Variants in BRINP3 observed in about 807,000 individuals in gnomAD.
BRINP3 encodes the protein BMP/retinoic acid inducible neural specific 3.
A neutral mutation model predicts 71.0 loss-of-function variants in BRINP3; 19 were observed. The ratio of observed to expected loss-of-function variants is 0.27; its 90% CI spans 0.19 to 0.39. BRINP3 has a LOEUF of 0.39. BRINP3 is among the 10% of genes least tolerant of loss of function. BRINP3 has a pLI of 1.00. For synonymous variants in BRINP3, 380 were observed against 337.7 expected, an observed-to-expected ratio of 1.13 and a Z score of -1.37; for missense variants, 959 against 940.8, an observed-to-expected ratio of 1.02 and a Z score of -0.25.
At chr1:190,207,498 A>G (rs762261402) in intron 6 of BRINP3, among the ~76,000 whole-genome samples, 9 of 152,096 alleles carry the variant, frequency 5.9e-5, no homozygotes, top group Non-Finnish European at 1.3e-4. Context: ...TTTTTTCTTT[A>G]AAGCTGGCTG....
intron 2 of BRINP3, among the ~76,000 whole-genome samples, chr1:190,429,238 G>A (rs1232286485): frequency 1.3e-5 from 2 of 152,112 alleles, no homozygotes; most frequent in Non-Finnish European, 2.9e-5. Context: ...GTCAGTGCCT[G>A]TGGACAAAGG....
At chr1:190,189,515 T>C (rs1476621696) in intron 6 of BRINP3, among the ~76,000 whole-genome samples, 1 of 152,124 alleles carries the variant, frequency 6.6e-6, no homozygotes, top group Non-Finnish European at 1.5e-5. Flanking sequence ...TTTACAATTT[T>C]TTCTGCCTGT....
intron 2 of BRINP3, among the ~76,000 whole-genome samples, chr1:190,327,365 G>GAAAGAA (rs1666674967): frequency 1.3e-5 from 1 of 76,540 alleles, no homozygotes; most frequent in Non-Finnish European, 2.8e-5. Context: ...AAAAAAAAAA[G>GAAAGAA]AAAGAAAGAA....
At chr1:190,252,361 C>T (rs1660225711) in intron 4 of BRINP3, among the ~76,000 whole-genome samples, 1 of 151,996 alleles carries the variant, frequency 6.6e-6, no homozygotes, top group African/African-American at 2.4e-5. Flanking sequence ...TAGATAGCAA[C>T]TGTGTGTTGT....
chr1:190,287,873 G>A lies in BRINP3; in HGVS notation c.237-6123C>T, dbSNP rs540604306. On this transcript the variant is annotated intron_variant, in intron 2 of 7. Coordinates refer to ENST00000367462, the MANE Select transcript of BRINP3 (RefSeq NM_199051.3). ...TATATTTTAGGGCTTTGAAATTACT[G>A]AAAATAATTTAATTTTATGTTACAT... Among the ~76,000 whole-genome samples the A allele has an allele frequency of 3.2e-3, 402 of 126,038 alleles. 1 individual carries two copies. The highest frequency in any genetic ancestry group is 9.8e-3 in the African/African-American group (384 of 39,184). 82.7% of individuals were successfully genotyped at this position (126,038 alleles called of 152,430 possible). A position where few individuals can be genotyped will look rare whatever the true frequency, so the allele number is the denominator to read the frequency against.
chr1:190,470,505 C>G (rs996522048), intron 1 of BRINP3, among the ~76,000 whole-genome samples: 2 of 150,960 alleles, frequency 1.3e-5, no homozygotes, highest in Admixed American at 1.3e-4. Context: ...CACATCTCAT[C>G]TGAGTTAATT....
intron 6 of BRINP3, among the ~76,000 whole-genome samples, chr1:190,196,182 G>A (rs1003818705): frequency 2.6e-5 from 4 of 152,120 alleles, no homozygotes; most frequent in African/African-American, 4.8e-5. Context: ...CCAGGTCTCA[G>A]TTATGCTTCT....
At chr1:190,151,583 A>C (rs1473232503) in intron 7 of BRINP3, among the ~76,000 whole-genome samples, 1 of 152,186 alleles carries the variant, frequency 6.6e-6, no homozygotes. Context: ...AAATCTCAGA[A>C]ATAAAGGTTA....
chr1:190,431,673 T>C (rs910933348), intron 2 of BRINP3, among the ~76,000 whole-genome samples: 5 of 152,042 alleles, frequency 3.3e-5, no homozygotes, highest in Non-Finnish European at 5.9e-5. Flanking sequence ...ATAATCATAT[T>C]AATAAATTAT....
At position 190,261,676 on chromosome 1, in the gene BRINP3, C is replaced by T. The variant is rs982374641; in HGVS notation, c.618+3189G>A. Among the ~76,000 whole-genome samples, 104 of 152,132 alleles carry T rather than the reference C, an allele frequency of 6.8e-4. 1 individual carries two copies. The highest frequency in any genetic ancestry group is 1.7e-3 in the Admixed American group (26 of 15,262). On this transcript the variant is annotated intron_variant, in intron 4 of 7. Coordinates refer to ENST00000367462, the MANE Select transcript of BRINP3 (RefSeq NM_199051.3). The stretch of plus-strand genomic sequence containing the variant: ...TATCTGTCTCCTAAATTCTGTAAAT[C>T]ACAGAACAACTTCATTCAATATTTG...
At chr1:190,277,558 A>G (rs187488382) in intron 3 of BRINP3, among the ~76,000 whole-genome samples, 1 of 151,748 alleles carries the variant, frequency 6.6e-6, no homozygotes, top group Non-Finnish European at 1.5e-5. Context: ...AAATTGATCC[A>G]GAACACAGTT....
chr1:190,257,372 T>C (rs1181029997), intron 4 of BRINP3, among the ~76,000 whole-genome samples: 1 of 152,210 alleles, frequency 6.6e-6, no homozygotes, highest in Non-Finnish European at 1.5e-5. Context: ...CTGTTTATTC[T>C]AGTTAGACAT....
At chr1:190,309,571 C>T (rs1032610526) in intron 2 of BRINP3, among the ~76,000 whole-genome samples, 2 of 151,748 alleles carry the variant, frequency 1.3e-5, no homozygotes, top group Admixed American at 6.6e-5. Context: ...TTTCAAATGA[C>T]TGGTATTAAC....
At chr1:190,249,780 C>G (rs1053656334) in intron 4 of BRINP3, among the ~76,000 whole-genome samples, 2 of 151,752 alleles carry the variant, frequency 1.3e-5, no homozygotes, top group African/African-American at 4.8e-5. Flanking sequence ...AGGCCCCAAA[C>G]TTTTCTACTG....
At chr1:190,444,304 G>T (rs1675054473) in intron 2 of BRINP3, among the ~76,000 whole-genome samples, 2 of 147,030 alleles carry the variant, frequency 1.4e-5, no homozygotes, top group African/African-American at 5.0e-5. Flanking sequence ...TTTTAATGGG[G>T]TGTGTTTTAT....
At chr1:190,464,003 GCTTTAT>G (rs1422564397) in intron 1 of BRINP3, among the ~76,000 whole-genome samples, 15 of 151,756 alleles carry the variant, frequency 9.9e-5, no homozygotes, top group Non-Finnish European at 1.3e-4. Flanking sequence ...ATAAATAATT[GCTTTAT>G]CTTTATCTTC....
intron 2 of BRINP3, among the ~76,000 whole-genome samples, chr1:190,363,985 C>A (rs1043318709): frequency 6.6e-6 from 1 of 151,464 alleles, no homozygotes; most frequent in Non-Finnish European, 1.5e-5. Context: ...ATCTATAGAA[C>A]AAAATATGAA....
chr1:190,301,633 T>C (rs937836907), intron 2 of BRINP3, among the ~76,000 whole-genome samples: 2 of 151,770 alleles, frequency 1.3e-5, no homozygotes, highest in African/African-American at 4.8e-5. Flanking sequence ...AGTTTTGGAA[T>C]ATACAGATAT....
chr1:190,390,525 G>C (rs563078176), intron 2 of BRINP3, among the ~76,000 whole-genome samples: 5 of 151,832 alleles, frequency 3.3e-5, no homozygotes, highest in Non-Finnish European at 5.9e-5. Flanking sequence ...AAACGTTGCA[G>C]AAATTGGCAG....
Sources: gnomAD v4.1 joint callset for allele counts (sites outside exome capture counted in the v4.1 genomes callset) on GRCh38, gnomAD v4.1.1 for gene constraint, MANE v1.5 for transcripts, NCBI Gene and HGNC (gene_info 2026-07-23, HGNC 2026-07-21) for gene names.